LPP: variants seen among roughly 807,000 people sequenced by gnomAD.
LPP encodes LIM domain containing preferred translocation partner in lipoma, also known as lipoma-preferred partner.
LPP carries 38 observed loss-of-function variants against 60.4 expected under a neutral mutation model. The ratio of observed to expected loss-of-function variants is 0.63; its 90% CI spans 0.49 to 0.83. LPP has a LOEUF of 0.83. Among genes scored for constraint, LPP ranks in the 40% least tolerant of loss-of-function variants. The probability of loss-of-function intolerance (pLI) is 0.00; values close to 1 mark genes in which losing one functional copy is unlikely to be tolerated. For synonymous variants in LPP, 328 were observed against 290.8 expected (o/e 1.13, Z -1.30); for missense variants, 902 against 783.6 (o/e 1.15, Z -1.80).
chr3:188,783,686 T>C (rs549713756), intron 9 of LPP, among the ~76,000 whole-genome samples: 75 of 150,774 alleles, frequency 5.0e-4, no homozygotes, highest in African/African-American at 1.8e-3. Flanking sequence ...AACCTTCACA[T>C]ATACCCCTGA....
intron 2 of LPP, among the ~76,000 whole-genome samples, chr3:188,267,637 C>A (rs1490235662): frequency 6.6e-6 from 1 of 152,182 alleles, no homozygotes; most frequent in African/African-American, 2.4e-5. Flanking sequence ...TCCCTACAGC[C>A]CTGATGACCT....
rs150247758 is a variant in LPP at position 188,399,120 on chromosome 3, G to A, written c.-9-6992G>A. ...ATCTAATTCCATCACTACATTTTTC[G>A]AGAAGGACACAAGATTTCAGAGATA... On this transcript the variant is annotated intron_variant, in intron 3 of 11. Coordinates refer to ENST00000617246, the MANE Select transcript of LPP (RefSeq NM_001375462.1). 3.3e-4 allele frequency among the ~76,000 whole-genome samples: 50 copies of A among 152,270 alleles called. No individual in the cohort carries two copies. The East Asian group carries it at 7.3e-3, about 22-fold the overall frequency.
At chr3:188,613,711 T>C (rs1257690109) in intron 7 of LPP, among the ~76,000 whole-genome samples, 1 of 152,006 alleles carries the variant, frequency 6.6e-6, no homozygotes, top group African/African-American at 2.4e-5. Flanking sequence ...TTAGAACAGA[T>C]TGTTGCTTTT....
At chr3:188,192,841 C>T (rs1236877578) in intron 1 of LPP, among the ~76,000 whole-genome samples, 1 of 152,184 alleles carries the variant, frequency 6.6e-6, no homozygotes, top group Non-Finnish European at 1.5e-5. Flanking sequence ...TTCTGCAAAA[C>T]GAGGACAAGA....
At chr3:188,789,503 C>G (rs1560206868) in intron 9 of LPP, among the ~76,000 whole-genome samples, 1 of 152,148 alleles carries the variant, frequency 6.6e-6, no homozygotes, top group African/African-American at 2.4e-5. Flanking sequence ...CATGGTGTGG[C>G]CAGATTATGC....
chr3:188,351,458 T>C (rs1423366969), intron 3 of LPP, among the ~76,000 whole-genome samples: 1 of 152,158 alleles, frequency 6.6e-6, no homozygotes, highest in Admixed American at 6.5e-5. Context: ...ACAGGCTCTG[T>C]CTGGAGTCCT....
At chr3:188,613,301 T>TATCTATATCTATATCTATATC (rs1844188676) in intron 7 of LPP, among the ~76,000 whole-genome samples, 1 of 110,254 alleles carries the variant, frequency 9.1e-6, no homozygotes, top group Admixed American at 8.0e-5. Flanking sequence ...TCTATATCTA[T>TATCTATATCTATATCTATATC]ATCTATATCT....
chr3:188,603,296 C>G (rs1357007121), intron 6 of LPP, among the ~76,000 whole-genome samples: 1 of 149,448 alleles, frequency 6.7e-6, no homozygotes, highest in Non-Finnish European at 1.5e-5. Flanking sequence ...ACATTTTGAT[C>G]ACTTATCTCT....
chr3:188,509,732 G>A (rs1471499073), intron 5 of LPP, among the ~76,000 whole-genome samples: 7 of 133,336 alleles, frequency 5.2e-5, no homozygotes, highest in East Asian at 2.2e-4. Context: ...TCACTCTGTC[G>A]CCCAGGCTGG....
rs114941857 is a variant in LPP, at chr3:188,327,151, G to A, written c.-66-14512G>A. On this transcript the variant is annotated intron_variant, in intron 2 of 11. Coordinates refer to ENST00000617246, the MANE Select transcript of LPP (RefSeq NM_001375462.1). ...GATTACAACACTGATTTCATTCCTG[G>A]CCAAAGACTGATTCTTCTGCTCTTG... 4.7e-3 allele frequency among the ~76,000 whole-genome samples: 711 copies of A among 152,200 alleles called. 6 individuals are homozygous for A. Among genetic ancestry groups the A allele is most frequent in the African/African-American group, 0.016 (666 of 41,524 alleles).
chr3:188,222,401 T>C (rs1716125975), intron 1 of LPP, among the ~76,000 whole-genome samples: 1 of 152,202 alleles, frequency 6.6e-6, no homozygotes, highest in Non-Finnish European at 1.5e-5. Context: ...GCATATTGTG[T>C]GCAGGCTTTG....
At chr3:188,566,199 A>G (rs957331781) in intron 6 of LPP, among the ~76,000 whole-genome samples, 1 of 151,988 alleles carries the variant, frequency 6.6e-6, no homozygotes, top group Admixed American at 6.6e-5. Context: ...TTACAAGACG[A>G]TGGAAAAGTG....
intron 9 of LPP, among the ~76,000 whole-genome samples, chr3:188,779,899 A>G (rs935166169): frequency 6.6e-6 from 1 of 152,070 alleles, no homozygotes. Context: ...TAGTTCCTTC[A>G]TCCATTTCCA....
chr3:188,889,679 T>C lies in LPP; in HGVS notation c.*15200T>C, dbSNP rs1010114503. ...ATTGCAGTCAGCCACCATTCTCTTT[T>C]CCATATAAGGAGCCCCATTACATAA... On this transcript the variant is annotated 3_prime_UTR_variant, in exon 12 of 12. Coordinates refer to ENST00000617246, the MANE Select transcript of LPP (RefSeq NM_001375462.1). The C allele has an allele frequency of 1.8e-5, 4 of 223,128 alleles. No homozygotes were observed. The highest frequency in any genetic ancestry group is 2.7e-5 in the Non-Finnish European group (3 of 111,670). The allele number at this position is 223,128 out of a possible 1,614,324, so 13.8% of individuals were successfully genotyped here.
chr3:188,630,358 G>A (rs1344050253), intron 7 of LPP, among the ~76,000 whole-genome samples: 1 of 152,064 alleles, frequency 6.6e-6, no homozygotes, highest in Non-Finnish European at 1.5e-5. Context: ...ACAAGCATAT[G>A]AAAAAATGCT....
chr3:188,838,758 A>G (rs1759141153), intron 9 of LPP, among the ~76,000 whole-genome samples: 1 of 152,204 alleles, frequency 6.6e-6, no homozygotes, highest in Admixed American at 6.5e-5. Context: ...ACACAGGAAC[A>G]GAAAACCAAA....
intron 5 of LPP, among the ~76,000 whole-genome samples, chr3:188,505,943 G>A (rs779839780): frequency 1.4e-4 from 22 of 152,106 alleles, no homozygotes; most frequent in Admixed American, 6.5e-4. Flanking sequence ...ATCCTATGTA[G>A]CACACTGTAT....
chr3:188,587,572 A>G (rs944794509), intron 6 of LPP, among the ~76,000 whole-genome samples: 8 of 152,212 alleles, frequency 5.3e-5, no homozygotes, highest in African/African-American at 1.9e-4. Context: ...CCAAAACTTT[A>G]TTAAGAAATT....
At chr3:188,720,718 C>T (rs1716018843) in intron 8 of LPP, among the ~76,000 whole-genome samples, 1 of 151,924 alleles carries the variant, frequency 6.6e-6, no homozygotes, top group African/African-American at 2.4e-5. Flanking sequence ...TTAATTCTTC[C>T]AGATTTCCTA....
Sources: allele counts gnomAD v4.1 joint callset (sites outside exome capture counted in the v4.1 genomes callset), GRCh38; gene constraint gnomAD v4.1.1; transcripts MANE v1.5; gene names NCBI Gene and HGNC (gene_info 2026-07-23, HGNC 2026-07-21).